The following CHRM2 variants were observed in gnomAD, a reference collection of about 807,000 sequenced individuals.
CHRM2 encodes cholinergic receptor muscarinic 2.
In CHRM2, 8 loss-of-function variants were observed where a neutral mutation model predicts 25.0. The observed-to-expected ratio is 0.32, with a 90% CI of 0.19 to 0.58. CHRM2 has a LOEUF of 0.58. Among genes scored for constraint, CHRM2 ranks in the 20% least tolerant of loss-of-function variants. The pLI is 0.88. For missense variants in CHRM2, 440 were observed against 567.1 expected (o/e 0.78, Z 2.28); for synonymous variants, 202 against 205.7 (o/e 0.98, Z 0.15).
intron 3 of CHRM2, among the ~76,000 whole-genome samples, chr7:136,993,940 GATAA>G (rs1803401114): frequency 6.6e-6 from 1 of 152,138 alleles, no homozygotes; most frequent in Non-Finnish European, 1.5e-5. Flanking sequence ...TACATTCAAT[GATAA>G]ATAAATAAGA....
At chr7:136,973,864 C>T (rs1240340001) in intron 2 of CHRM2, among the ~76,000 whole-genome samples, 1 of 151,908 alleles carries the variant, frequency 6.6e-6, no homozygotes, top group Non-Finnish European at 1.5e-5. Flanking sequence ...ATGATTTTAT[C>T]CCACTGCAGA....
At chr7:136,880,177 T>C (rs1796210468) in intron 2 of CHRM2, among the ~76,000 whole-genome samples, 1 of 151,812 alleles carries the variant, frequency 6.6e-6, no homozygotes, top group Admixed American at 6.6e-5. Context: ...CATGGGATTC[T>C]AGAGTATTGG....
chr7:136,880,068 A>G (rs1796204695), intron 2 of CHRM2, among the ~76,000 whole-genome samples: 1 of 145,412 alleles, frequency 6.9e-6, no homozygotes, highest in Non-Finnish European at 1.5e-5. Context: ...TTCCACTTCC[A>G]TTCCTCAGCT....
intron 3 of CHRM2, among the ~76,000 whole-genome samples, chr7:137,005,686 A>G (rs1584913451): frequency 6.6e-6 from 1 of 152,202 alleles, no homozygotes; most frequent in East Asian, 1.9e-4. Flanking sequence ...GATCCCTAAA[A>G]GGATATTTTG....
At chr7:136,895,171 T>G (rs1256652280) in intron 2 of CHRM2, among the ~76,000 whole-genome samples, 1 of 152,216 alleles carries the variant, frequency 6.6e-6, no homozygotes, top group Non-Finnish European at 1.5e-5. Flanking sequence ...TTTCATAATA[T>G]TAGTCTTTCT....
At chr7:136,890,162 G>A (rs1369461137) in intron 2 of CHRM2, among the ~76,000 whole-genome samples, 1 of 152,200 alleles carries the variant, frequency 6.6e-6, no homozygotes, top group Non-Finnish European at 1.5e-5. Context: ...CTTGGGAAGA[G>A]TTAAGAAATG....
At chr7:137,008,202 A>G (rs1437624380) in intron 3 of CHRM2, among the ~76,000 whole-genome samples, 1 of 152,104 alleles carries the variant, frequency 6.6e-6, no homozygotes, top group African/African-American at 2.4e-5. Flanking sequence ...CTCATTCTTA[A>G]GGTGGGGAAG....
At chr7:136,886,975 T>G (rs572722972) in intron 2 of CHRM2, among the ~76,000 whole-genome samples, 17 of 152,334 alleles carry the variant, frequency 1.1e-4, no homozygotes, top group African/African-American at 3.1e-4. Context: ...GTCCACCACT[T>G]CATCTTTCTG....
At chr7:136,898,344 G>T (rs1479728891) in intron 2 of CHRM2, among the ~76,000 whole-genome samples, 1 of 152,034 alleles carries the variant, frequency 6.6e-6, no homozygotes, top group Non-Finnish European at 1.5e-5. Flanking sequence ...TATGCCCAAT[G>T]ACAAGCACTA....
At chr7:137,014,332 A>G (rs978791743) in intron 3 of CHRM2, among the ~76,000 whole-genome samples, 8 of 151,994 alleles carry the variant, frequency 5.3e-5, no homozygotes, top group Admixed American at 4.6e-4. Flanking sequence ...TAGAGCTTCC[A>G]TGAGGAAAGG....
chr7:136,956,268 T>C (rs1229915386), intron 2 of CHRM2, among the ~76,000 whole-genome samples: 1 of 152,194 alleles, frequency 6.6e-6, no homozygotes, highest in African/African-American at 2.4e-5. Context: ...CAAGAAAGAA[T>C]TGTTAGTCAG....
chr7:136,925,344 T>C (rs1339262542), intron 2 of CHRM2, among the ~76,000 whole-genome samples: 1 of 152,162 alleles, frequency 6.6e-6, no homozygotes, highest in African/African-American at 2.4e-5. Context: ...GTCAAATTCA[T>C]GTCTAGACCT....
chr7:136,900,039 G>A (rs1328769818), intron 2 of CHRM2, among the ~76,000 whole-genome samples: 1 of 152,040 alleles, frequency 6.6e-6, no homozygotes, highest in Admixed American at 6.6e-5. Flanking sequence ...TTTACTGGGA[G>A]GCATTGAAGA....
chr7:136,988,411 A>G (rs1802997534), intron 2 of CHRM2, among the ~76,000 whole-genome samples: 1 of 152,206 alleles, frequency 6.6e-6, no homozygotes, highest in Non-Finnish European at 1.5e-5. Context: ...AATAGGTAAT[A>G]TAATTGAGTG....
At chr7:136,932,146 T>TA (rs1408568692) in intron 2 of CHRM2, among the ~76,000 whole-genome samples, 1 of 152,042 alleles carries the variant, frequency 6.6e-6, no homozygotes, top group East Asian at 1.9e-4. Flanking sequence ...ATTACAGAAA[T>TA]AAAAAGGACT....
chr7:136,902,719 T>C (rs1797295827), intron 2 of CHRM2: 1 of 176,170 alleles, frequency 5.7e-6, no homozygotes, highest in African/African-American at 2.4e-5. Context: ...AACATGACTA[T>C]CAGCTAGATA....
At chr7:136,884,064 T>C (rs1319046886) in intron 2 of CHRM2, among the ~76,000 whole-genome samples, 2 of 152,172 alleles carry the variant, frequency 1.3e-5, no homozygotes, top group East Asian at 1.9e-4. Context: ...TAAAAAATAA[T>C]GGTGATGCTC....
chr7:136,984,251 C>G (rs1052600894), intron 2 of CHRM2, among the ~76,000 whole-genome samples: 1 of 152,062 alleles, frequency 6.6e-6, no homozygotes, highest in Non-Finnish European at 1.5e-5. Context: ...AGGGGAAAGC[C>G]GCCTACTCAA....
chr7:136,880,706 G>T (rs1796232273), intron 2 of CHRM2, among the ~76,000 whole-genome samples: 1 of 151,266 alleles, frequency 6.6e-6, no homozygotes, highest in South Asian at 2.1e-4. Context: ...AAACCTTTTG[G>T]CCCCACACAC....
Sources: allele counts gnomAD v4.1 joint callset (sites outside exome capture counted in the v4.1 genomes callset), GRCh38; gene constraint gnomAD v4.1.1; transcripts MANE v1.5; gene names NCBI Gene and HGNC (gene_info 2026-07-23, HGNC 2026-07-21).